Variants in R3HCC1L observed in about 807,000 individuals in gnomAD.
R3HCC1L encodes the protein coiled-coil domain-containing protein R3HCC1L.
In R3HCC1L, 51 loss-of-function variants were observed where a neutral mutation model predicts 59.9. The ratio of observed to expected loss-of-function variants is 0.85; its 90% CI spans 0.68 to 1.07. The LOEUF is 1.07. Ranked by LOEUF, R3HCC1L falls within the 50% of genes least tolerant of loss-of-function variation. R3HCC1L has a pLI of 0.00. For synonymous variants in R3HCC1L, 322 were observed against 315.2 expected, an observed-to-expected ratio of 1.02 and a Z score of -0.23; for missense variants, 965 against 933.0, an observed-to-expected ratio of 1.03 and a Z score of -0.45.
chr10:98,148,737 C>G (rs570690279), intron 1 of R3HCC1L, among the ~76,000 whole-genome samples: 2 of 152,320 alleles, frequency 1.3e-5, no homozygotes, highest in Admixed American at 1.3e-4. Context: ...ATGAATCCCA[C>G]TTGATCATGG....
At chr10:98,148,995 T>G (rs571974394) in intron 1 of R3HCC1L, among the ~76,000 whole-genome samples, 2 of 152,320 alleles carry the variant, frequency 1.3e-5, no homozygotes, top group East Asian at 3.9e-4. Flanking sequence ...CATCAGGTCC[T>G]GAGCTTTTCT....
intron 6 of R3HCC1L, among the ~76,000 whole-genome samples, chr10:98,233,930 G>T (rs966004260): frequency 2.0e-5 from 3 of 151,186 alleles, no homozygotes; most frequent in African/African-American, 7.3e-5. Flanking sequence ...TTTTTTCCCC[G>T]TTACTTGACT....
At chr10:98,230,812 C>T (rs912323193) in intron 5 of R3HCC1L, among the ~76,000 whole-genome samples, 3 of 152,272 alleles carry the variant, frequency 2.0e-5, no homozygotes, top group Non-Finnish European at 1.5e-5. Flanking sequence ...TCCACTTTCC[C>T]GTTTTGTTTC....
chr10:98,153,592 ACCC>A, intron 1 of R3HCC1L, among the ~76,000 whole-genome samples: 1 of 145,382 alleles, frequency 6.9e-6, no homozygotes, highest in African/African-American at 2.6e-5. Context: ...TGCGAGAAAC[ACCC>A]AAGAATGATC....
chr10:98,138,520 A>T (rs889604853), intron 1 of R3HCC1L, among the ~76,000 whole-genome samples: 23 of 151,876 alleles, frequency 1.5e-4, no homozygotes, highest in African/African-American at 5.6e-4. Context: ...GTGAGACTTC[A>T]TCTTTATTAA....
At chr10:98,192,593 A>G (rs1206903474) in intron 4 of R3HCC1L, among the ~76,000 whole-genome samples, 1 of 152,202 alleles carries the variant, frequency 6.6e-6, no homozygotes, top group Non-Finnish European at 1.5e-5. Context: ...TGAATAATGA[A>G]GAAATAGAAA....
intron 5 of R3HCC1L, among the ~76,000 whole-genome samples, chr10:98,216,211 A>G (rs543951586): frequency 1.3e-5 from 2 of 152,290 alleles, no homozygotes; most frequent in East Asian, 3.9e-4. Context: ...ATTTAGAATC[A>G]TTTAAAAAAT....
At chr10:98,173,221 G>A (rs1197437338) in intron 4 of R3HCC1L, among the ~76,000 whole-genome samples, 1 of 152,084 alleles carries the variant, frequency 6.6e-6, no homozygotes, top group Non-Finnish European at 1.5e-5. Flanking sequence ...CTGAATAATT[G>A]GTTGTGTACC....
intron 5 of R3HCC1L, among the ~76,000 whole-genome samples, chr10:98,218,990 C>T (rs980691406): frequency 2.6e-5 from 4 of 152,142 alleles, no homozygotes; most frequent in African/African-American, 9.7e-5. Flanking sequence ...CAGCTCACTG[C>T]ACCCTCCACC....
intron 4 of R3HCC1L, among the ~76,000 whole-genome samples, chr10:98,196,347 A>G (rs777625801): frequency 6.6e-6 from 1 of 152,130 alleles, no homozygotes; most frequent in African/African-American, 2.4e-5. Flanking sequence ...CCATGAAGCC[A>G]TTCCAGTGTT....
chr10:98,161,358 GT>G (rs1286488027), intron 2 of R3HCC1L, among the ~76,000 whole-genome samples: 2 of 151,912 alleles, frequency 1.3e-5, no homozygotes, highest in African/African-American at 4.8e-5. Flanking sequence ...TTTCCATCAG[GT>G]TTTTGGTCCC....
chr10:98,136,114 A>G (rs1216663670), intron 1 of R3HCC1L, among the ~76,000 whole-genome samples: 6 of 151,800 alleles, frequency 4.0e-5, no homozygotes, highest in Non-Finnish European at 7.4e-5. Context: ...CGACCTCCCA[A>G]AGTGTTGGTA....
rs148867373 is a variant in R3HCC1L at position 98,209,741 on chromosome 10, G to A, written c.1627G>A (p.Val543Ile). 6.2e-7 allele frequency: 1 copy of A among 1,613,894 alleles called. No homozygotes were observed. The highest frequency in any genetic ancestry group is 1.1e-5 in the South Asian group (1 of 91,070). The change falls in exon 5 of 10, where the codon GTA (valine) becomes ATA (isoleucine). Residue 543 changes from valine (V) to isoleucine (I), a missense_variant. Coordinates refer to ENST00000298999, the MANE Select transcript of R3HCC1L (RefSeq NM_001351015.2). Reference sequence around the variant, plus strand: ...TGACTCAGGGAGTATAGAATTTGGTGTATCTTTTCCTGATAGGGAATCATC... The same window carrying A: ...TGACTCAGGGAGTATAGAATTTGGTATATCTTTTCCTGATAGGGAATCATC... ...QDDSGSIEFG[V>I]SFPDRESSSM...
chr10:98,181,525 G>A (rs1462519923), intron 4 of R3HCC1L, among the ~76,000 whole-genome samples: 2 of 152,108 alleles, frequency 1.3e-5, no homozygotes, highest in Non-Finnish European at 2.9e-5. Context: ...GAGTATCTTT[G>A]TGGCGGTCTC....
chr10:98,184,011 A>C, intron 4 of R3HCC1L, among the ~76,000 whole-genome samples: 1 of 144,024 alleles, frequency 6.9e-6, no homozygotes, highest in East Asian at 2.0e-4. Flanking sequence ...GAGCCAGTTA[A>C]ATGGTATTTA....
At chr10:98,211,511 T>G (rs1488285263) in intron 5 of R3HCC1L, among the ~76,000 whole-genome samples, 1 of 152,148 alleles carries the variant, frequency 6.6e-6, no homozygotes, top group Non-Finnish European at 1.5e-5. Flanking sequence ...TATTAAGAAC[T>G]AAAGCATTGA....
chr10:98,188,667 A>C (rs527546301), intron 4 of R3HCC1L, among the ~76,000 whole-genome samples: 3 of 152,232 alleles, frequency 2.0e-5, no homozygotes, highest in Non-Finnish European at 4.4e-5. Flanking sequence ...TCATCTCCTA[A>C]CATTAAGTAA....
intron 9 of R3HCC1L, among the ~76,000 whole-genome samples, chr10:98,236,869 C>T (rs1366016711): frequency 1.3e-5 from 2 of 152,196 alleles, no homozygotes; most frequent in Non-Finnish European, 2.9e-5. Flanking sequence ...TTTTATCAAC[C>T]TTCAGGCTTT....
chr10:98,226,201 A>G (rs1025432912), intron 5 of R3HCC1L, among the ~76,000 whole-genome samples: 14 of 152,192 alleles, frequency 9.2e-5, no homozygotes, highest in African/African-American at 3.4e-4. Context: ...TATCTTTGAC[A>G]GTGTATTATT....
Sources: gnomAD v4.1 joint callset for allele counts (sites outside exome capture counted in the v4.1 genomes callset) on GRCh38, gnomAD v4.1.1 for gene constraint, MANE v1.5 for transcripts, NCBI Gene and HGNC (gene_info 2026-07-23, HGNC 2026-07-21) for gene names.